The following RASAL3 variants were observed in gnomAD, a reference collection of about 807,000 sequenced individuals.
The protein encoded by RASAL3 is RAS protein activator like 3, also known as RAS protein activator like-3.
A neutral mutation model predicts 105.5 loss-of-function variants in RASAL3; 74 were observed. The ratio of observed to expected loss-of-function variants is 0.70; its 90% CI spans 0.58 to 0.85. RASAL3 has a LOEUF of 0.85. Ranked by LOEUF, RASAL3 falls within the 40% of genes least tolerant of loss-of-function variation. The pLI is 0.00. For missense variants in RASAL3, 1,352 were observed against 1,392.0 expected (o/e 0.97, Z 0.46); for synonymous variants, 579 against 591.6 (o/e 0.98, Z 0.31).
Position 15,458,202 on chromosome 19 carries a change from C to T in RASAL3, c.888+126G>A, listed in dbSNP as rs187454917. On this transcript the variant is annotated intron_variant, in intron 8 of 17. Coordinates refer to ENST00000343625, the MANE Select transcript of RASAL3 (RefSeq NM_022904.3). The stretch of plus-strand genomic sequence containing the variant: ...AAGGGGAGTCTTGGAGCCGTTGCAA[C>T]GATGCAGGCGGGGCAGGTGTGTTGG... The T allele has an allele frequency of 3.6e-4, 304 of 835,452 alleles. 1 individual carries two copies. Among genetic ancestry groups the T allele is most frequent in the Admixed American group, 9.2e-4 (42 of 45,496 alleles). The allele number at this position is 835,452 out of a possible 1,614,324, so 51.8% of individuals were successfully genotyped here.
chr19:15,452,008 GCCCAGACCTGC>G, intron 17 of RASAL3, 26 bp downstream of exon 17: 8 of 1,613,854 alleles, frequency 5.0e-6, no homozygotes, highest in Non-Finnish European at 6.8e-6. Context: ...CTCCTCCACC[GCCCAGACCTGC>G]CCCAGGGCTC....
In RASAL3 at chr19:15,456,596, A is replaced by G; in HGVS notation, c.1482T>C (p.Arg494=). 1 of 1,613,590 alleles carries G rather than the reference A, an allele frequency of 6.2e-7. No homozygotes were observed. The highest frequency in any genetic ancestry group is 8.5e-7 in the Non-Finnish European group (1 of 1,179,780). The part of the protein sequence containing the change: ...GTAELARCGG[R]EALLFRENTL... ...TGTTTTCCCGGAACAGCAGCGCCTC[A>G]CGGCCTCCACAGCGCGCCAGCTCCG... The change falls in exon 10 of 18, where the codon CGT becomes CGC. Residue 494 remains arginine, a synonymous_variant. Coordinates refer to ENST00000343625, the MANE Select transcript of RASAL3 (RefSeq NM_022904.3). This position sits in a 1 kb window ranked among gnomAD's most constrained non-coding sequence, Gnocchi z 4.4.
At chr19:15,452,626 G>A in intron 16 of RASAL3, 32 bp downstream of exon 16, 1 of 1,492,040 alleles carries the variant, frequency 6.7e-7, no homozygotes, top group African/African-American at 1.4e-5. Flanking sequence ...GGCCCACCTG[G>A]GGGCGGAGCT....
chr19:15,459,239 C>CTATTTATTTATT (rs34335057), intron 6 of RASAL3, among the ~76,000 whole-genome samples: 21,555 of 144,468 alleles, frequency 0.15, 1,802 homozygotes, highest in African/African-American at 0.17. Flanking sequence ...GTGCCCAGCC[C>CTATTTATTTATT]TATTTATTTA....
At chr19:15,463,684 G>A (rs1406773261) in intron 2 of RASAL3, among the ~76,000 whole-genome samples, 1 of 152,210 alleles carries the variant, frequency 6.6e-6, no homozygotes, top group African/African-American at 2.4e-5. Context: ...AGGAGAGTAG[G>A]AGGCAGGCTG....
chr19:15,460,144 G>A (rs954633347), intron 6 of RASAL3, 59 bp downstream of exon 6: 1 of 1,399,276 alleles, frequency 7.1e-7, no homozygotes, highest in Non-Finnish European at 9.9e-7. Flanking sequence ...TATGCAGGAG[G>A]TGGAGGAGGA....
chr19:15,454,627 TC>T (rs1970260449), intron 12 of RASAL3, 29 bp downstream of exon 12: 3 of 1,610,966 alleles, frequency 1.9e-6, no homozygotes, highest in Non-Finnish European at 2.5e-6. Flanking sequence ...CCCAGCATGG[TC>T]CCCCCACCCC....
At position 15,452,079 on chromosome 19, in the gene RASAL3, A is replaced by T; in HGVS notation, c.2858T>A (p.Leu953Gln). 1 of 1,613,830 alleles carries T rather than the reference A, an allele frequency of 6.2e-7. No homozygotes were observed. The highest frequency in any genetic ancestry group is 8.5e-7 in the Non-Finnish European group (1 of 1,179,828). The change falls in exon 17 of 18, where the codon CTA becomes CAA. Residue 953 changes from leucine (L) to glutamine (Q), a missense_variant. Leu to Gln is a moderately radical substitution (Grantham distance 113, BLOSUM62 -2). This residue lies in a region of RASAL3 where 920 missense variants were observed against 919.6 expected (regional missense o/e 1.00). Transcript: ENST00000343625. ...CAGACTGTGCCCTTCATTGCTTGTT[A>T]GGTTGTGCTCTGAATCAAACTCTGA... Reference protein sequence around the residue: ...GSSEFDSEHNLTSNEGHSLKN... With the variant: ...GSSEFDSEHNQTSNEGHSLKN...
In RASAL3 at chr19:15,464,543, G is replaced by T. The variant is rs1210030774; in HGVS notation, c.-58C>A. 9.3e-6 allele frequency: 6 copies of T among 646,112 alleles called. No individual in the cohort carries two copies. Among genetic ancestry groups the T allele is most frequent in the Non-Finnish European group, 1.6e-5 (6 of 379,258 alleles). The allele number at this position is 646,112 out of a possible 1,614,324, so 40.0% of individuals were successfully genotyped here. A position where few individuals can be genotyped will look rare whatever the true frequency, so the allele number is the denominator to read the frequency against. On this transcript the variant is annotated 5_prime_UTR_variant, in exon 1 of 18. Transcript: ENST00000343625. Reference sequence around the variant, plus strand: ...CCAGCCCCAGAATCAGCAGCCGTCTGCACCCCGCCTGGCTTCCTCCCTCGG... The same window carrying T: ...CCAGCCCCAGAATCAGCAGCCGTCTTCACCCCGCCTGGCTTCCTCCCTCGG...
intron 14 of RASAL3, 41 bp downstream of exon 14, chr19:15,454,108 C>T: frequency 7.0e-7 from 1 of 1,436,338 alleles, no homozygotes; most frequent in Non-Finnish European, 9.5e-7. Flanking sequence ...CTGCTCCTTC[C>T]TGTTCCCACC....
At chr19:15,463,051 A>T (rs1023154798) in intron 2 of RASAL3, among the ~76,000 whole-genome samples, 1 of 150,692 alleles carries the variant, frequency 6.6e-6, no homozygotes, top group African/African-American at 2.4e-5. Context: ...CCTGTGTGAC[A>T]CTTAGCACCA....
chr19:15,458,291 C>T, intron 8 of RASAL3, 37 bp downstream of exon 8: 1 of 1,583,018 alleles, frequency 6.3e-7, no homozygotes, highest in Non-Finnish European at 8.6e-7. Flanking sequence ...GGCCTGTGGG[C>T]GGGGTCTCCG....
chr19:15,453,228 G>C lies in RASAL3; in HGVS notation c.2549C>G (p.Ala850Gly). The change falls in exon 15 of 18, where the codon GCC becomes GGC. Residue 850 changes from alanine to glycine, a missense_variant. Physicochemically the swap from Ala to Gly is moderately conservative, Grantham distance 60. This residue lies in a region of RASAL3 where 920 missense variants were observed against 919.6 expected (regional missense o/e 1.00). Transcript: ENST00000343625. This position sits in a 1 kb window ranked among gnomAD's most constrained non-coding sequence, Gnocchi z 4.2. ...GGCGGAGTCCCGGGTCCAAGGCCGG[G>C]CGCGGGGCGCTGGTCCCATGCTCAG... The part of the protein sequence containing the change: ...GSLSMGPAPR[A>G]RPWTRDSASL... 6.3e-7 allele frequency: 1 copy of C among 1,599,904 alleles called. No individual in the cohort carries two copies. The highest frequency in any genetic ancestry group is 8.5e-7 in the Non-Finnish European group (1 of 1,174,394).
Position 15,457,278 on chromosome 19 carries a change from T to G in RASAL3, c.1431+14A>C. The G allele has an allele frequency of 7.9e-6, 10 of 1,271,602 alleles. No individual in the cohort carries two copies. Among genetic ancestry groups the G allele is most frequent in the Non-Finnish European group, 8.9e-6 (9 of 1,008,422 alleles). The allele number at this position is 1,271,602 out of a possible 1,614,324, so 78.8% of individuals were successfully genotyped here. A position where few individuals can be genotyped will look rare whatever the true frequency, so the allele number is the denominator to read the frequency against. ...CCCCTGGTAGCCCCGGTCCGCGCTG[T>G]CGCGGTGCCGCACCTGCGCCCGGCC... On this transcript the variant is annotated intron_variant, in intron 9 of 17. Coordinates refer to ENST00000343625, the MANE Select transcript of RASAL3 (RefSeq NM_022904.3). This position sits in a 1 kb window ranked among gnomAD's most constrained non-coding sequence, Gnocchi z 8.6.
At chr19:15,458,191 A>G in intron 8 of RASAL3, 137 bp downstream of exon 8, 1 of 764,388 alleles carries the variant, frequency 1.3e-6, no homozygotes. Context: ...GGAGTCTTGG[A>G]GCCGTTGCAA....
chr19:15,459,998 G>T (rs1044489690), intron 6 of RASAL3, among the ~76,000 whole-genome samples: 5 of 152,142 alleles, frequency 3.3e-5, no homozygotes, highest in Non-Finnish European at 7.3e-5. Flanking sequence ...GATTGACTTA[G>T]CTCCCATTTT....
chr19:15,454,490 G>T lies in RASAL3; in HGVS notation c.2031C>A (p.Cys677Ter). ...FLEEHGPAMQ[C>*]FLDQVAMVDV... The stretch of plus-strand genomic sequence containing the variant: ...CCACCATGGCTACCTGGTCCAGGAA[G>T]CATTGCATGGCTGGTCCATGTTCCT... Residue 677 changes from cysteine to a stop codon, truncating the protein, a stop_gained, in exon 13 of 18, where the codon TGC (cysteine) becomes TGA (stop). Coordinates refer to ENST00000343625, the MANE Select transcript of RASAL3 (RefSeq NM_022904.3). LOFTEE classifies it high-confidence loss of function. The T allele has an allele frequency of 6.2e-7, 1 of 1,614,014 alleles. No individual in the cohort carries two copies. The highest frequency in any genetic ancestry group is 8.5e-7 in the Non-Finnish European group (1 of 1,179,886).
At chr19:15,459,580 C>A (rs1213053450) in intron 6 of RASAL3, among the ~76,000 whole-genome samples, 2 of 152,084 alleles carry the variant, frequency 1.3e-5, no homozygotes, top group Admixed American at 6.6e-5. Flanking sequence ...CTCTGTTGCC[C>A]AGGCTGGAGT....
chr19:15,457,718 C>G lies in RASAL3; in HGVS notation c.1005G>C (p.Ala335=). The G allele has an allele frequency of 4.6e-6, 7 of 1,515,260 alleles. No individual in the cohort carries two copies. The highest frequency in any genetic ancestry group is 6.2e-6 in the Non-Finnish European group (7 of 1,132,472). 93.9% of individuals were successfully genotyped at this position (1,515,260 alleles called of 1,614,324 possible). A position where few individuals can be genotyped will look rare whatever the true frequency, so the allele number is the denominator to read the frequency against. Residue 335 remains alanine, a synonymous_variant, in exon 9 of 18, where the codon GCG becomes GCC. Coordinates refer to ENST00000343625, the MANE Select transcript of RASAL3 (RefSeq NM_022904.3). The surrounding 1 kb of genome is among the most constrained non-coding windows in gnomAD (Gnocchi z 8.6). ...CCCGAGGCGCCGTGCGTGCCAGCAG[C>G]GCGCCATCCAGCCACAGCTCGGCGC... is the stretch of plus-strand genomic sequence containing the variant. ...GVRAELWLDG[A]LLARTAPRAG...
Sources: allele counts gnomAD v4.1 joint callset (sites outside exome capture counted in the v4.1 genomes callset), GRCh38; gene constraint gnomAD v4.1.1; regional missense constraint gnomAD v4.1.1; non-coding constraint Gnocchi (gnomAD v3.1); transcripts MANE v1.5; gene names NCBI Gene and HGNC (gene_info 2026-07-23, HGNC 2026-07-21).